LRP2: variants seen among roughly 807,000 people sequenced by gnomAD.
The protein encoded by LRP2 is low-density lipoprotein receptor-related protein 2.
Under a neutral mutation model 531.0 loss-of-function variants are expected in LRP2, and 172 were observed. That is an observed-to-expected ratio of 0.32 (90% CI 0.29 to 0.37). The LOEUF (loss-of-function observed/expected upper bound fraction) is 0.37. Ranked by LOEUF, LRP2 falls within the 10% of genes least tolerant of loss-of-function variation. The pLI is 1.00. For synonymous variants in LRP2, 1,992 were observed against 2,027.6 expected (o/e 0.98, Z 0.47); for missense variants, 5,167 against 5,868.3 (o/e 0.88, Z 3.90).
intron 50 of LRP2, among the ~76,000 whole-genome samples, chr2:169,184,884 A>G (rs2284676): frequency 0.56 from 85,081 of 151,650 alleles, 26,250 homozygotes; most frequent in South Asian, 0.73. Context: ...CCTCAGCCTC[A>G]TGAGTAGCTG....
intron 76 of LRP2, among the ~76,000 whole-genome samples, chr2:169,135,427 A>C (rs972758676): frequency 5.3e-5 from 8 of 152,060 alleles, no homozygotes; most frequent in Admixed American, 2.6e-4. Context: ...CACTGCGGTC[A>C]TTTCTTCCCT....
intron 63 of LRP2, among the ~76,000 whole-genome samples, chr2:169,159,822 C>T (rs1046200414): frequency 2.0e-5 from 3 of 152,122 alleles, no homozygotes; most frequent in Non-Finnish European, 4.4e-5. Flanking sequence ...TTGTAATTTC[C>T]TCCTAGCTCT....
At chr2:169,134,187 C>T (rs546958610) in intron 76 of LRP2, among the ~76,000 whole-genome samples, 3 of 136,762 alleles carry the variant, frequency 2.2e-5, no homozygotes, top group East Asian at 2.0e-4. Context: ...CTCATGTCTG[C>T]GTGCAGCGGC....
In LRP2 at chr2:169,206,369, G is replaced by C; in HGVS notation, c.7351C>G (p.Leu2451Val). The change falls in exon 39 of 79, where the codon CTG (leucine) becomes GTG (valine). Residue 2451 changes from leucine to valine, a missense_variant. Transcript: ENST00000649046. ...GTTGGAGTATGGATCCCTGAAGACA[G>C]GGTGGCATAGGAAATCTGTCCAACT... ...SGVGQISYAT[L>V]SSGIHTPTVI... 1 of 1,614,154 alleles carries C rather than the reference G, an allele frequency of 6.2e-7. No homozygotes were observed. The highest frequency in any genetic ancestry group is 8.5e-7 in the Non-Finnish European group (1 of 1,180,026).
rs34543659 is a variant in LRP2 at position 169,299,538 on chromosome 2, TA to T, written c.428-4829del. ...AAAACTGACATAGTTCTAAATTCCT[TA>T]AAAAAAAAAAAAACTCACACAAGCT... On this transcript the variant is annotated intron_variant, in intron 4 of 78. Coordinates refer to ENST00000649046, the MANE Select transcript of LRP2 (RefSeq NM_004525.3). Among the ~76,000 whole-genome samples, 459 of 138,604 alleles carry T rather than the reference TA, an allele frequency of 3.3e-3. 5 individuals carry two copies. Among genetic ancestry groups the T allele is most frequent in the South Asian group, 0.016 (70 of 4,276 alleles). The allele number at this position is 138,604 out of a possible 152,430, so 90.9% of individuals were successfully genotyped here.
chr2:169,242,957 A>G lies in LRP2; in HGVS notation c.3666T>C (p.Cys1222=). Residue 1222 remains cysteine (C), a splice_region_variant and synonymous_variant, in exon 24 of 79, where the codon TGT becomes TGC. Coordinates refer to ENST00000649046, the MANE Select transcript of LRP2 (RefSeq NM_004525.3). ...DCSDNSDEAG[C]PTRPPGMCHS... Reference sequence around the variant, plus strand: ...ACATTCTGGGTATGTGTTACTTACGACAGCCTGCTTCATCCGAGTTGTCAC... The same window carrying G: ...ACATTCTGGGTATGTGTTACTTACGGCAGCCTGCTTCATCCGAGTTGTCAC... The G allele has an allele frequency of 1.2e-6, 2 of 1,612,178 alleles. No homozygotes were observed. Among genetic ancestry groups the G allele is most frequent in the Admixed American group, 1.7e-5 (1 of 60,002 alleles).
rs945518362 is a variant in LRP2 at position 169,207,074 on chromosome 2, C to T, written c.6646G>A (p.Glu2216Lys). Residue 2216 changes from glutamate to lysine, a missense_variant, in exon 39 of 79, where the codon GAG (glutamate) becomes AAG (lysine). Glu to Lys is a moderately conservative substitution (Grantham distance 56). Transcript: ENST00000649046. ...TTGGTACAGTCAAGGAAAGAACGCT[C>T]AATCTTTGGTCTCTGCCCATAGTCA... ...WADYGQRPKI[E>K]RSFLDCTNRT... is the part of the protein sequence containing the mutation. 2.5e-6 allele frequency: 4 copies of T among 1,613,626 alleles called. No individual in the cohort carries two copies. In the African/African-American group the frequency reaches 4.0e-5, roughly 16 times the overall value.
At chr2:169,256,346 G>C in intron 18 of LRP2, 110 bp from the exon 19 acceptor site, 1 of 768,740 alleles carries the variant, frequency 1.3e-6, no homozygotes, top group Non-Finnish European at 2.1e-6. Context: ...ATTAAACAAA[G>C]TTTTTAAAAT....
At position 169,166,539 on chromosome 2, in the gene LRP2, GC is replaced by G. The variant is rs905813100; in HGVS notation, c.11636-486del. On this transcript the variant is annotated intron_variant, in intron 61 of 78. Coordinates refer to ENST00000649046, the MANE Select transcript of LRP2 (RefSeq NM_004525.3). ...CAGTACATGGACTCTTATCCTAACA[GC>G]CAGGAAGCCATTTGTTTGATCCTCC... Among the ~76,000 whole-genome samples the G allele has an allele frequency of 5.5e-4, 84 of 152,346 alleles. 1 individual carries two copies. The highest frequency in any genetic ancestry group is 2.0e-3 in the African/African-American group (84 of 41,580).
At chr2:169,221,937 CTACAA>C (rs137929388) in intron 33 of LRP2, among the ~76,000 whole-genome samples, 75,531 of 151,418 alleles carry the variant, frequency 0.5, 20,034 homozygotes, top group African/African-American at 0.69. Context: ...GTAGGCTTCA[CTACAA>C]AATTCAGCTA....
intron 48 of LRP2, among the ~76,000 whole-genome samples, chr2:169,189,397 C>T (rs891671324): frequency 1.3e-5 from 2 of 152,176 alleles, no homozygotes; most frequent in African/African-American, 4.8e-5. Context: ...CAGACTGGCT[C>T]AGCTTCATTT....
At chr2:169,196,541 C>T (rs189738354) in intron 46 of LRP2, among the ~76,000 whole-genome samples, 13 of 152,324 alleles carry the variant, frequency 8.5e-5, no homozygotes, top group African/African-American at 3.1e-4. Context: ...ATGTATATGA[C>T]TCCAATCACT....
chr2:169,309,587 G>T (rs202158050), intron 3 of LRP2, among the ~76,000 whole-genome samples: 1 of 152,050 alleles, frequency 6.6e-6, no homozygotes, highest in Non-Finnish European at 1.5e-5. Flanking sequence ...GTCTATATCT[G>T]TGTTTTGGTA....
At chr2:169,237,032 C>T in intron 28 of LRP2, 71 bp downstream of exon 28, 3 of 1,302,656 alleles carry the variant, frequency 2.3e-6, no homozygotes, top group Non-Finnish European at 3.3e-6. Context: ...ATATCAGCTA[C>T]ATCATGTTAC....
At chr2:169,361,682 AAGCCCCC>A (rs1482552096) in intron 1 of LRP2, among the ~76,000 whole-genome samples, 12 of 152,016 alleles carry the variant, frequency 7.9e-5, no homozygotes, top group Admixed American at 2.0e-4. Context: ...ATCAACACAA[AAGCCCCC>A]AGCTCCCAGC....
intron 4 of LRP2, among the ~76,000 whole-genome samples, chr2:169,304,877 C>T (rs541043941): frequency 5.9e-5 from 9 of 152,168 alleles, no homozygotes; most frequent in East Asian, 1.9e-4. Context: ...TGGAATACTA[C>T]GCAGCCCTAA....
At chr2:169,330,601 G>T (rs988959742) in intron 1 of LRP2, among the ~76,000 whole-genome samples, 1 of 152,130 alleles carries the variant, frequency 6.6e-6, no homozygotes, top group South Asian at 2.1e-4. Flanking sequence ...GGACGCTATC[G>T]CCATTTGGGG....
intron 31 of LRP2, among the ~76,000 whole-genome samples, chr2:169,230,488 C>T (rs1689359302): frequency 6.6e-6 from 1 of 152,110 alleles, no homozygotes; most frequent in Non-Finnish European, 1.5e-5. Context: ...ATATATTTTC[C>T]ATTCTAGATT....
chr2:169,294,007 C>A, intron 6 of LRP2, 141 bp downstream of exon 6: 1 of 717,002 alleles, frequency 1.4e-6, no homozygotes, highest in Non-Finnish European at 2.6e-6. Context: ...CCGTCTGATT[C>A]CATCTGCCAT....
Sources: gnomAD v4.1 joint callset for allele counts (sites outside exome capture counted in the v4.1 genomes callset) on GRCh38, gnomAD v4.1.1 for gene constraint, MANE v1.5 for transcripts, NCBI Gene and HGNC (gene_info 2026-07-23, HGNC 2026-07-21) for gene names.